PTPRN2: variants seen among roughly 807,000 people sequenced by gnomAD.
PTPRN2 encodes protein tyrosine phosphatase receptor type N2, also known as receptor-type tyrosine-protein phosphatase N2.
Under a neutral mutation model 118.8 loss-of-function variants are expected in PTPRN2, and 74 were observed. The ratio of observed to expected loss-of-function variants is 0.62; its 90% confidence interval spans 0.52 to 0.76. The LOEUF (loss-of-function observed/expected upper bound fraction) is 0.76, where lower values mean the gene tolerates loss of function less well. Ranked by LOEUF, PTPRN2 falls within the 30% of genes least tolerant of loss-of-function variation. The probability of loss-of-function intolerance (pLI) is 0.00; values close to 1 mark genes in which losing one functional copy is unlikely to be tolerated. For missense variants in PTPRN2, 1,481 were observed against 1,394.4 expected (o/e 1.06, Z -0.99); for synonymous variants, 641 against 608.0 (o/e 1.05, Z -0.80).
chr7:158,545,439 G>A (rs1173110156), intron 1 of PTPRN2, among the ~76,000 whole-genome samples: 2 of 152,190 alleles, frequency 1.3e-5, no homozygotes, highest in Admixed American at 6.5e-5. Flanking sequence ...AAGTAGAACT[G>A]TCCCTACATT....
At chr7:158,145,231 G>C (rs1225330629) in intron 6 of PTPRN2, among the ~76,000 whole-genome samples, 1 of 149,422 alleles carries the variant, frequency 6.7e-6, no homozygotes. Context: ...CGGTGAGAAG[G>C]TTCCAGAATA....
At chr7:158,423,825 T>G (rs1331289145) in intron 2 of PTPRN2, among the ~76,000 whole-genome samples, 1 of 152,030 alleles carries the variant, frequency 6.6e-6, no homozygotes, top group Non-Finnish European at 1.5e-5. Flanking sequence ...ATTTTCTAGA[T>G]GAGGAAAGAG....
chr7:157,800,964 T>C (rs1485290115), intron 12 of PTPRN2, among the ~76,000 whole-genome samples: 1 of 150,634 alleles, frequency 6.6e-6, no homozygotes, highest in African/African-American at 2.4e-5. Flanking sequence ...AAAAAATATA[T>C]ATATACATAT....
At chr7:158,309,707 A>C (rs764791836) in intron 3 of PTPRN2, among the ~76,000 whole-genome samples, 11 of 152,242 alleles carry the variant, frequency 7.2e-5, no homozygotes, top group Admixed American at 2.6e-4. Flanking sequence ...CAGCATGGTC[A>C]AGTAAGACTT....
chr7:157,998,766 G>A (rs1334829852), intron 11 of PTPRN2, among the ~76,000 whole-genome samples: 1 of 147,152 alleles, frequency 6.8e-6, no homozygotes, highest in African/African-American at 2.5e-5. Flanking sequence ...AGCTTGCAGT[G>A]AGCAGAGATT....
At chr7:157,788,435 G>C (rs1327729859) in intron 12 of PTPRN2, among the ~76,000 whole-genome samples, 1 of 151,154 alleles carries the variant, frequency 6.6e-6, no homozygotes, top group Non-Finnish European at 1.5e-5. Context: ...AGACACTGCT[G>C]TCTGGAGACC....
In PTPRN2 at chr7:158,171,304, CACACATATATATATATATATAT is replaced by C. The variant is rs1823643050; in HGVS notation, c.550-4035_550-4014del. 1.4e-4 allele frequency among the ~76,000 whole-genome samples: 4 copies of C among 28,086 alleles called. No individual in the cohort carries two copies. In the Admixed American group the frequency reaches 1.6e-3, roughly 11 times the overall value. The allele number at this position is 28,086 out of a possible 152,430, so 18.4% of individuals were successfully genotyped here. A position where few individuals can be genotyped will look rare whatever the true frequency, so the allele number is the denominator to read the frequency against. ...ACATATATATACACACATATATATA[CACACATATATATATATATATAT>C]ATATATATATATATATATATATACA... is the stretch of plus-strand genomic sequence containing the variant. On this transcript the variant is annotated intron_variant, in intron 5 of 22. Transcript: ENST00000389418.
intron 11 of PTPRN2, among the ~76,000 whole-genome samples, chr7:157,960,564 T>C (rs1801459621): frequency 6.6e-6 from 1 of 152,196 alleles, no homozygotes; most frequent in Non-Finnish European, 1.5e-5. Context: ...ACATTAGATA[T>C]AGAAATAAAA....
At chr7:158,156,511 A>T (rs1159974523) in intron 6 of PTPRN2, among the ~76,000 whole-genome samples, 1 of 152,224 alleles carries the variant, frequency 6.6e-6, no homozygotes, top group East Asian at 1.9e-4. Flanking sequence ...TAAATGAGCT[A>T]AGCCGACATC....
rs767160550 is a variant in PTPRN2 at position 158,316,885 on chromosome 7, G to C, written c.211C>G (p.Arg71Gly). Reference protein sequence around the residue: ...CQKVPAMDFYRYEVSPVALQR... With the variant: ...CQKVPAMDFYGYEVSPVALQR... Reference sequence around the variant, plus strand: ...AGGGCCACGGGCGACACCTCGTAGCGGTAAAAGTCCATTGCCGGAACCTTC... The same window carrying C: ...AGGGCCACGGGCGACACCTCGTAGCCGTAAAAGTCCATTGCCGGAACCTTC... The change falls in exon 3 of 23, where the codon CGC (arginine) becomes GGC (glycine). Residue 71 changes from arginine (R) to glycine (G), a missense_variant. By Grantham distance (125) the Arg-to-Gly change is moderately radical. Coordinates refer to ENST00000389418, the MANE Select transcript of PTPRN2 (RefSeq NM_002847.5). 1.2e-6 allele frequency: 2 copies of C among 1,612,644 alleles called. No individual in the cohort carries two copies. The highest frequency in any genetic ancestry group is 1.7e-5 in the Admixed American group (1 of 59,998).
chr7:158,247,405 G>A (rs528454252), intron 3 of PTPRN2, among the ~76,000 whole-genome samples: 4 of 125,970 alleles, frequency 3.2e-5, no homozygotes, highest in Non-Finnish European at 6.7e-5. Context: ...AGGATACAGG[G>A]GCGCAAAGGG....
At chr7:158,116,431 T>C (rs1284422466) in intron 9 of PTPRN2, among the ~76,000 whole-genome samples, 1 of 152,226 alleles carries the variant, frequency 6.6e-6, no homozygotes, top group Non-Finnish European at 1.5e-5. Flanking sequence ...TGGATACACC[T>C]TGCAGTCAAT....
chr7:158,276,839 G>A (rs923220398), intron 3 of PTPRN2, among the ~76,000 whole-genome samples: 15 of 152,296 alleles, frequency 9.8e-5, no homozygotes, highest in African/African-American at 2.2e-4. Flanking sequence ...CGGCCTCCTC[G>A]TAGTGGAGGC....
intron 3 of PTPRN2, among the ~76,000 whole-genome samples, chr7:158,218,024 G>A (rs575454216): frequency 6.6e-5 from 10 of 152,264 alleles, no homozygotes; most frequent in Admixed American, 6.5e-4. Context: ...ACATAGTTGA[G>A]GATACAGTCC....
At chr7:157,877,494 G>A (rs1010787017) in intron 12 of PTPRN2, among the ~76,000 whole-genome samples, 3 of 150,892 alleles carry the variant, frequency 2.0e-5, no homozygotes, top group Non-Finnish European at 4.4e-5. Flanking sequence ...GGGTTTCCTC[G>A]GGGCCCCGGG....
intron 10 of PTPRN2, among the ~76,000 whole-genome samples, chr7:158,098,303 C>CGG (rs547342541): frequency 6.6e-6 from 1 of 152,052 alleles, no homozygotes; most frequent in Admixed American, 6.6e-5. Context: ...GTGAGGCCAC[C>CGG]GGGGGGGCTC....
At chr7:157,743,745 G>A (rs570510890) in intron 12 of PTPRN2, among the ~76,000 whole-genome samples, 1 of 150,924 alleles carries the variant, frequency 6.6e-6, no homozygotes, top group African/African-American at 2.4e-5. Context: ...AGCTATCTCT[G>A]GGTTGGCTGA....
chr7:157,998,727 G>A (rs894666047), intron 11 of PTPRN2, among the ~76,000 whole-genome samples: 1 of 151,130 alleles, frequency 6.6e-6, no homozygotes, highest in Non-Finnish European at 1.5e-5. Context: ...GGATGCTGTG[G>A]CAGGCAAATA....
intron 11 of PTPRN2, among the ~76,000 whole-genome samples, chr7:158,019,713 T>C (rs12534776): frequency 0.79 from 120,608 of 151,956 alleles, 48,833 homozygotes; most frequent in Non-Finnish European, 0.88. Flanking sequence ...CTGTGTCCCC[T>C]CCAAGTCCCA....
Sources: gnomAD v4.1 joint callset for allele counts (sites outside exome capture counted in the v4.1 genomes callset) on GRCh38, gnomAD v4.1.1 for gene constraint, MANE v1.5 for transcripts, NCBI Gene and HGNC (gene_info 2026-07-23, HGNC 2026-07-21) for gene names.